Variants in SETBP1 observed in about 807,000 individuals in gnomAD.
SETBP1 encodes SET-binding protein.
Under a neutral mutation model 101.0 loss-of-function variants are expected in SETBP1, and 9 were observed. The ratio of observed to expected loss-of-function variants is 0.09; its 90% confidence interval spans 0.05 to 0.16. The LOEUF is 0.16. Among genes scored for constraint, SETBP1 ranks in the 10% least tolerant of loss-of-function variants. The pLI is 1.00. For synonymous variants in SETBP1, 818 were observed against 788.5 expected, an observed-to-expected ratio of 1.04 and a Z score of -0.63; for missense variants, 1,858 against 2,033.8, an observed-to-expected ratio of 0.91 and a Z score of 1.66.
chr18:44,860,596 A>T (rs757712820), intron 2 of SETBP1, among the ~76,000 whole-genome samples: 1 of 152,120 alleles, frequency 6.6e-6, no homozygotes, highest in Non-Finnish European at 1.5e-5. Context: ...AAAAATGTAA[A>T]ATTAGCCAGG....
intron 2 of SETBP1, among the ~76,000 whole-genome samples, chr18:44,861,227 T>C (rs2069000829): frequency 7.4e-6 from 1 of 134,438 alleles, no homozygotes; most frequent in Admixed American, 7.7e-5. Flanking sequence ...CCTTTTTCTT[T>C]TCTTTTTTTT....
At chr18:44,853,098 A>C (rs1336465377) in intron 2 of SETBP1, among the ~76,000 whole-genome samples, 2 of 152,192 alleles carry the variant, frequency 1.3e-5, no homozygotes, top group African/African-American at 4.8e-5. Context: ...CCCTGTTTCT[A>C]ATAAAAGCTT....
chr18:44,759,632 G>C (rs1421644010), intron 2 of SETBP1, among the ~76,000 whole-genome samples: 1 of 152,114 alleles, frequency 6.6e-6, no homozygotes, highest in Non-Finnish European at 1.5e-5. Flanking sequence ...TTATAATTCA[G>C]TCTAAAATAA....
At chr18:45,022,296 C>T (rs1464353374) in intron 4 of SETBP1, among the ~76,000 whole-genome samples, 1 of 152,196 alleles carries the variant, frequency 6.6e-6, no homozygotes, top group Non-Finnish European at 1.5e-5. Context: ...AGTCTGGCCA[C>T]ACAAGAATTC....
chr18:44,876,759 C>A, intron 3 of SETBP1: 1 of 1,512,694 alleles, frequency 6.6e-7, no homozygotes. Context: ...TATAACTTCG[C>A]ATGGATTCTG....
intron 2 of SETBP1, among the ~76,000 whole-genome samples, chr18:44,826,800 C>T (rs2072249410): frequency 6.6e-6 from 1 of 152,124 alleles, no homozygotes. Context: ...ATGATTCCAA[C>T]CCCCAAACAA....
At chr18:44,900,609 C>T (rs1004973142) in intron 3 of SETBP1, among the ~76,000 whole-genome samples, 7 of 152,188 alleles carry the variant, frequency 4.6e-5, no homozygotes, top group African/African-American at 1.4e-4. Flanking sequence ...ACAATGAATG[C>T]CACAGAACAT....
intron 3 of SETBP1, among the ~76,000 whole-genome samples, chr18:44,942,825 G>A (rs183556604): frequency 4.6e-5 from 7 of 152,234 alleles, no homozygotes; most frequent in Admixed American, 1.3e-4. Flanking sequence ...GCCCTCTGTC[G>A]TGTATGAGCT....
intron 2 of SETBP1, among the ~76,000 whole-genome samples, chr18:44,720,777 G>A (rs763098776): frequency 6.6e-6 from 1 of 152,138 alleles, no homozygotes; most frequent in Non-Finnish European, 1.5e-5. Flanking sequence ...TGCTCATGGT[G>A]GGCAGCCTTG....
intron 4 of SETBP1, among the ~76,000 whole-genome samples, chr18:44,972,068 G>A (rs569436588): frequency 1.3e-5 from 2 of 152,310 alleles, no homozygotes; most frequent in Admixed American, 1.3e-4. Flanking sequence ...TGTAAGGAAG[G>A]GATCCAGTTT....
intron 4 of SETBP1, chr18:44,987,104 G>T (rs1049366980): frequency 2.6e-5 from 4 of 152,138 alleles, no homozygotes; most frequent in Non-Finnish European, 5.9e-5. Context: ...ATAAAGCATT[G>T]TGTAATAGCC....
At position 44,784,234 on chromosome 18, in the gene SETBP1, T is replaced by C. The variant is rs553376924; in HGVS notation, c.486+82402T>C. On this transcript the variant is annotated intron_variant, in intron 2 of 5. Coordinates refer to ENST00000649279, the MANE Select transcript of SETBP1 (RefSeq NM_015559.3). ...CAGGTTCTATTAATTCATTTTACTT[T>C]GTGGACTGCTTTACATTACTTTTAA... 3.9e-3 allele frequency among the ~76,000 whole-genome samples: 590 copies of C among 152,396 alleles called. 1 individual carries two copies. Among genetic ancestry groups the C allele is most frequent in the Non-Finnish European group, 4.9e-3 (335 of 68,040 alleles).
intron 2 of SETBP1, among the ~76,000 whole-genome samples, chr18:44,712,364 G>A (rs1259996484): frequency 3.9e-5 from 6 of 152,180 alleles, no homozygotes; most frequent in Non-Finnish European, 2.9e-5. Flanking sequence ...ATATAAACTT[G>A]CCCAGGAGTG....
intron 2 of SETBP1, among the ~76,000 whole-genome samples, chr18:44,727,986 C>T (rs111722147): frequency 0.017 from 2,521 of 152,256 alleles, 38 homozygotes; most frequent in South Asian, 0.057. Context: ...GGTCCTTACA[C>T]GTACCATTTA....
chr18:44,812,176 C>A (rs1266412396), intron 2 of SETBP1, among the ~76,000 whole-genome samples: 1 of 152,128 alleles, frequency 6.6e-6, no homozygotes. Context: ...TACCTCTGTT[C>A]TCCCAGTCCT....
chr18:44,878,815 G>A (rs534534611), intron 3 of SETBP1, among the ~76,000 whole-genome samples: 1 of 152,262 alleles, frequency 6.6e-6, no homozygotes, highest in South Asian at 2.1e-4. Flanking sequence ...GACATCCATT[G>A]AGAGGTGTCA....
rs1181743972 is a variant in SETBP1 at position 44,952,132 on chromosome 18, A to C, written c.2792A>C (p.Glu931Ala). 1 of 1,614,194 alleles carries C rather than the reference A, an allele frequency of 6.2e-7. No individual in the cohort carries two copies. The highest frequency in any genetic ancestry group is 2.2e-5 in the East Asian group (1 of 44,884). Residue 931 changes from glutamate (E) to alanine (A), a missense_variant, in exon 4 of 6, where the codon GAA becomes GCA. Around this residue, in one of 12 missense-constraint regions of SETBP1, gnomAD observed 255 missense variants for 300.1 expected, o/e 0.85. Coordinates refer to ENST00000649279, the MANE Select transcript of SETBP1 (RefSeq NM_015559.3). Reference sequence around the variant, plus strand: ...ATTGTGGACAACTTTCTGGCCCACGAAAGCCTCAAGAAGCCAAAGCACAAG... The same window carrying C: ...ATTGTGGACAACTTTCTGGCCCACGCAAGCCTCAAGAAGCCAAAGCACAAG... ...HLIVDNFLAHESLKKPKHKRK... is the reference protein window; with the variant it reads ...HLIVDNFLAHASLKKPKHKRK...
chr18:44,741,818 AT>A (rs1415118049), intron 2 of SETBP1, among the ~76,000 whole-genome samples: 1 of 151,940 alleles, frequency 6.6e-6, no homozygotes, highest in Non-Finnish European at 1.5e-5. Context: ...GACGCTTCCT[AT>A]TTTCAACCCA....
chr18:44,852,322 T>A (rs1207513753), intron 2 of SETBP1, among the ~76,000 whole-genome samples: 2 of 152,204 alleles, frequency 1.3e-5, no homozygotes, highest in Non-Finnish European at 2.9e-5. Flanking sequence ...TTTTGAGATC[T>A]CCTCATGGCC....
Sources: gnomAD v4.1 joint callset for allele counts (sites outside exome capture counted in the v4.1 genomes callset) on GRCh38, gnomAD v4.1.1 for gene constraint, gnomAD v4.1.1 regional missense constraint, MANE v1.5 for transcripts, NCBI Gene and HGNC (gene_info 2026-07-23, HGNC 2026-07-21) for gene names.